Variants in HTR2C observed in about 807,000 individuals in gnomAD.
HTR2C encodes 5-hydroxytryptamine (serotonin) receptor 2C, G protein-coupled.
In HTR2C, 5 loss-of-function variants were observed where a neutral mutation model predicts 21.0. That is an observed-to-expected ratio of 0.24 (90% confidence interval 0.12 to 0.50). The LOEUF (loss-of-function observed/expected upper bound fraction) is 0.50. Among genes scored for constraint, HTR2C ranks in the 20% least tolerant of loss-of-function variants. HTR2C has a pLI of 0.98. For synonymous variants in HTR2C, 150 were observed against 145.3 expected, an observed-to-expected ratio of 1.03 and a Z score of -0.23; for missense variants, 271 against 371.2, an observed-to-expected ratio of 0.73 and a Z score of 2.22.
intron 5 of HTR2C, among the ~76,000 whole-genome samples, chrX:114,899,664 C>T (rs1020753862): frequency 1.4e-4 from 15 of 109,504 alleles, no homozygotes; most frequent in South Asian, 3.9e-4. Flanking sequence ...GCCGTTGCCC[C>T]GCCTGGCTTT....
intron 2 of HTR2C, among the ~76,000 whole-genome samples, chrX:114,726,163 T>C (rs782593402): frequency 8.9e-5 from 10 of 112,196 alleles, no homozygotes; most frequent in African/African-American, 1.6e-4. Flanking sequence ...TAGCAATCAG[T>C]GAGACTCCGT....
intron 4 of HTR2C, among the ~76,000 whole-genome samples, chrX:114,768,304 A>G (rs2069965799): frequency 9.0e-6 from 1 of 111,064 alleles, no homozygotes; most frequent in Non-Finnish European, 1.9e-5. Context: ...TCTGCTTCAC[A>G]GGTATTTGTG....
At chrX:114,697,680 G>T (rs928032097) in intron 2 of HTR2C, among the ~76,000 whole-genome samples, 5 of 112,377 alleles carry the variant, frequency 4.4e-5, no homozygotes, top group Admixed American at 9.4e-5. Flanking sequence ...CTTCACCCCT[G>T]TTCTCTACGA....
intron 5 of HTR2C, among the ~76,000 whole-genome samples, chrX:114,855,024 T>TA (rs2070947910): frequency 8.9e-6 from 1 of 112,109 alleles, no homozygotes; most frequent in East Asian, 2.8e-4. Context: ...CAAGGTGCTT[T>TA]AATCATCTGA....
intron 4 of HTR2C, among the ~76,000 whole-genome samples, chrX:114,734,359 CAAT>C (rs1286959770): frequency 2.7e-5 from 3 of 109,108 alleles, no homozygotes; most frequent in Non-Finnish European, 3.8e-5. Flanking sequence ...AACTATAATC[CAAT>C]AATGTCTTCC....
chrX:114,658,769 T>C (rs781897384), intron 2 of HTR2C, among the ~76,000 whole-genome samples: 9 of 111,234 alleles, frequency 8.1e-5, no homozygotes, highest in East Asian at 2.8e-4. Context: ...ATTAGGGAAA[T>C]ACAAAATCAT....
chrX:114,800,291 T>C (rs2070333009), intron 4 of HTR2C, among the ~76,000 whole-genome samples: 1 of 111,766 alleles, frequency 8.9e-6, no homozygotes, highest in Admixed American at 9.6e-5. Flanking sequence ...ACCATATTTT[T>C]CCTGTTAAAA....
intron 2 of HTR2C, among the ~76,000 whole-genome samples, chrX:114,703,978 C>T (rs201092318): frequency 1.5e-4 from 16 of 110,126 alleles, no homozygotes; most frequent in East Asian, 5.7e-4. Context: ...ATAAATTCCT[C>T]GACACATACA....
intron 2 of HTR2C, among the ~76,000 whole-genome samples, chrX:114,672,164 C>G (rs1556411837): frequency 1.8e-5 from 2 of 111,880 alleles, no homozygotes; most frequent in Non-Finnish European, 3.8e-5. Flanking sequence ...GTAACTTGGA[C>G]TATAAAATTA....
intron 4 of HTR2C, among the ~76,000 whole-genome samples, chrX:114,784,634 T>G (rs1348091252): frequency 2.8e-5 from 3 of 106,616 alleles, no homozygotes; most frequent in African/African-American, 1.0e-4. Flanking sequence ...TAAGTTGCCT[T>G]CCTTTTTTTT....
chrX:114,624,843 T>C (rs1417990627), intron 2 of HTR2C, among the ~76,000 whole-genome samples: 1 of 111,017 alleles, frequency 9.0e-6, no homozygotes, highest in Admixed American at 9.6e-5. Context: ...AAAAGCTAGC[T>C]CGGGGAAAGA....
intron 2 of HTR2C, among the ~76,000 whole-genome samples, chrX:114,725,773 C>T (rs1235467418): frequency 9.0e-6 from 1 of 110,688 alleles, no homozygotes; most frequent in Non-Finnish European, 1.9e-5. Context: ...AGTACCCGGC[C>T]GTGTGAGGTG....
At chrX:114,824,765 G>T (rs1325018367) in intron 4 of HTR2C, among the ~76,000 whole-genome samples, 1 of 112,062 alleles carries the variant, frequency 8.9e-6, no homozygotes, top group Non-Finnish European at 1.9e-5. Flanking sequence ...TGAAAAACAG[G>T]CTGATTTAGG....
chrX:114,641,148 A>G (rs782226769), intron 2 of HTR2C, among the ~76,000 whole-genome samples: 1 of 107,482 alleles, frequency 9.3e-6, no homozygotes, highest in Non-Finnish European at 1.9e-5. Context: ...ATCGCAGCTC[A>G]CTATAACCTC....
At chrX:114,593,297 T>C (rs1194970681) in intron 1 of HTR2C, among the ~76,000 whole-genome samples, 5 of 111,779 alleles carry the variant, frequency 4.5e-5, no homozygotes, top group Non-Finnish European at 1.9e-5. Flanking sequence ...AGTCTTGCTA[T>C]GTTGCCAAAG....
intron 4 of HTR2C, among the ~76,000 whole-genome samples, chrX:114,737,888 A>G (rs782329976): frequency 4.4e-5 from 5 of 112,368 alleles, no homozygotes; most frequent in Non-Finnish European, 9.4e-5. Flanking sequence ...GTTTCAGAGC[A>G]TTGAAAACAA....
chrX:114,716,847 A>G (rs1251617436), intron 2 of HTR2C, among the ~76,000 whole-genome samples: 1 of 111,306 alleles, frequency 9.0e-6, no homozygotes, highest in African/African-American at 3.3e-5. Flanking sequence ...CATTAATATA[A>G]TCTTCCCAGG....
chrX:114,585,376 A>T (rs1488457122), intron 1 of HTR2C, among the ~76,000 whole-genome samples: 1 of 111,057 alleles, frequency 9.0e-6, no homozygotes, highest in Non-Finnish European at 1.9e-5. Flanking sequence ...TTTTTAAATA[A>T]TTAATTAGCT....
intron 4 of HTR2C, among the ~76,000 whole-genome samples, chrX:114,756,012 G>A (rs985360516): frequency 2.7e-5 from 3 of 110,535 alleles, no homozygotes; most frequent in Non-Finnish European, 3.8e-5. Flanking sequence ...TTGGGAGGCT[G>A]AGGCAGGAGG....
Sources: allele counts gnomAD v4.1 joint callset (sites outside exome capture counted in the v4.1 genomes callset), GRCh38; gene constraint gnomAD v4.1.1; transcripts MANE v1.5; gene names NCBI Gene and HGNC (gene_info 2026-07-23, HGNC 2026-07-21).